The following GABBR1 variants were observed in gnomAD, a reference collection of about 807,000 sequenced individuals.
GABBR1 encodes the protein GABA-B receptor, R1 subunit.
Under a neutral mutation model 117.7 loss-of-function variants are expected in GABBR1, and 35 were observed. The ratio of observed to expected loss-of-function variants is 0.30; its 90% CI spans 0.23 to 0.39. The LOEUF (loss-of-function observed/expected upper bound fraction) is 0.39. Ranked by LOEUF, GABBR1 falls within the 10% of genes least tolerant of loss-of-function variation. The pLI is 1.00. For missense variants in GABBR1, 709 were observed against 1,241.8 expected (o/e 0.57, Z 6.45); for synonymous variants, 442 against 486.6 (o/e 0.91, Z 1.21).
rs1762333639 is a variant in GABBR1, at chr6:29,609,630, G to A, written c.1709-251C>T. ...GGAGTGAATGGTCTATCCATAGGTT[G>A]GGAAATGCTGAGGCATGTCCCCAAA... On this transcript the variant is annotated intron_variant, in intron 14 of 22. Transcript: ENST00000377034. The surrounding 1 kb of genome is among the most constrained non-coding windows in gnomAD (Gnocchi z 4.3). 6.6e-6 allele frequency among the ~76,000 whole-genome samples: 1 copy of A among 152,150 alleles called. No homozygotes were observed. Among genetic ancestry groups the A allele is most frequent in the Non-Finnish European group, 1.5e-5 (1 of 68,024 alleles).
Position 29,611,901 on chromosome 6 carries a change from A to G in GABBR1, c.1630+650T>C, listed in dbSNP as rs1762577635. On this transcript the variant is annotated intron_variant, in intron 13 of 22. Transcript: ENST00000377034. The surrounding 1 kb of genome is among the most constrained non-coding windows in gnomAD (Gnocchi z 4.6). ...TTCAGCTTTCTTGAGTCTAACTGAC[A>G]GGTCATCAACCTCTCAACCCAAGCC... 6.6e-6 allele frequency among the ~76,000 whole-genome samples: 1 copy of G among 152,236 alleles called. No homozygotes were observed. The highest frequency in any genetic ancestry group is 2.4e-5 in the African/African-American group (1 of 41,466).
At chr6:29,624,818 G>A (rs1156374751) in intron 6 of GABBR1, among the ~76,000 whole-genome samples, 1 of 151,974 alleles carries the variant, frequency 6.6e-6, no homozygotes, top group African/African-American at 2.4e-5. Context: ...GGGAAATGGG[G>A]GAGGAAGAGC....
Position 29,630,420 on chromosome 6 carries a change from G to A in GABBR1, c.475+38C>T, listed in dbSNP as rs29244. ...ACCCCACTCCCATCCTCACACAAGC[G>A]TCCTCATCAGCTGCATGCAGGCAGC... On this transcript the variant is annotated intron_variant, in intron 4 of 22. Coordinates refer to ENST00000377034, the MANE Select transcript of GABBR1 (RefSeq NM_001470.4). This position sits in a 1 kb window ranked among gnomAD's most constrained non-coding sequence, Gnocchi z 4.9. 2.0e-3 allele frequency: 3,060 copies of A among 1,568,620 alleles called. 11 individuals carry two copies. The highest frequency in any genetic ancestry group is 2.4e-3 in the Non-Finnish European group (2,723 of 1,142,028).
chr6:29,607,333 G>T lies in GABBR1; in HGVS notation c.1993-115C>A. 1.3e-6 allele frequency: 1 copy of T among 792,510 alleles called. No homozygotes were observed. The highest frequency in any genetic ancestry group is 2.1e-6 in the Non-Finnish European group (1 of 465,320). 49.1% of individuals were successfully genotyped at this position (792,510 alleles called of 1,614,324 possible). On this transcript the variant is annotated intron_variant, in intron 16 of 22. Coordinates refer to ENST00000377034, the MANE Select transcript of GABBR1 (RefSeq NM_001470.4). The surrounding 1 kb of genome is among the most constrained non-coding windows in gnomAD (Gnocchi z 5.0). The stretch of plus-strand genomic sequence containing the variant: ...CAGGGAGCACGGGCAGGGAGCTCAT[G>T]GTGGCACAGGGAGGATGCGAAAATG...
chr6:29,631,690 G>T lies in GABBR1; in HGVS notation c.86-91C>A. 1 of 1,143,016 alleles carries T rather than the reference G, an allele frequency of 8.7e-7. No homozygotes were observed. Among genetic ancestry groups the T allele is most frequent in the Non-Finnish European group, 1.3e-6 (1 of 766,798 alleles). The allele number at this position is 1,143,016 out of a possible 1,614,324, so 70.8% of individuals were successfully genotyped here. A position where few individuals can be genotyped will look rare whatever the true frequency, so the allele number is the denominator to read the frequency against. On this transcript the variant is annotated intron_variant, in intron 2 of 22. Transcript: ENST00000377034. The surrounding 1 kb of genome is among the most constrained non-coding windows in gnomAD (Gnocchi z 5.9). ...AGTGGGAGGAAGGGGAGAGTAGGGC[G>T]TGGTCTGTGGGCAGGCTGGGGACAG...
rs1479029688 is a variant in GABBR1 at position 29,631,420 on chromosome 6, C to A, written c.265G>T (p.Asp89Tyr). The change falls in exon 3 of 23, where the codon GAT (aspartate) becomes TAT (tyrosine). Residue 89 changes from aspartate (D) to tyrosine (Y), a missense_variant. By Grantham distance (160) the Asp-to-Tyr change is radical. Coordinates refer to ENST00000377034, the MANE Select transcript of GABBR1 (RefSeq NM_001470.4). This position sits in a 1 kb window ranked among gnomAD's most constrained non-coding sequence, Gnocchi z 5.9. ...RKCLANGSWT[D>Y]MDTPSRCVRI... The stretch of plus-strand genomic sequence containing the variant: ...CCACAGCGGCTGGGTGTGTCCATAT[C>A]TGTCCAGGAGCCGTTGGCCAGGCAC... 6.2e-7 allele frequency: 1 copy of A among 1,614,114 alleles called. No individual in the cohort carries two copies. The highest frequency in any genetic ancestry group is 1.1e-5 in the South Asian group (1 of 91,078).
Position 29,631,747 on chromosome 6 carries a change from G to C in GABBR1, c.86-148C>G, listed in dbSNP as rs970212219. 9 of 676,106 alleles carry C rather than the reference G, an allele frequency of 1.3e-5. No individual in the cohort carries two copies. The African/African-American group carries it at 1.4e-4, about 11-fold the overall frequency. 41.9% of individuals were successfully genotyped at this position (676,106 alleles called of 1,614,324 possible). On this transcript the variant is annotated intron_variant, in intron 2 of 22. Coordinates refer to ENST00000377034, the MANE Select transcript of GABBR1 (RefSeq NM_001470.4). The surrounding 1 kb of genome is among the most constrained non-coding windows in gnomAD (Gnocchi z 5.9). ...AGGGATGGGGCACTAGAGGGTGGGAGTGGGGACAGGTACAGATCCCCTGGC... is the reference window on the plus strand; with the variant it reads ...AGGGATGGGGCACTAGAGGGTGGGACTGGGGACAGGTACAGATCCCCTGGC...
chr6:29,609,509 A>G lies in GABBR1; in HGVS notation c.1709-130T>C. The G allele has an allele frequency of 1.3e-6, 1 of 765,718 alleles. No homozygotes were observed. Among genetic ancestry groups the G allele is most frequent in the Non-Finnish European group, 2.1e-6 (1 of 468,408 alleles). The allele number at this position is 765,718 out of a possible 1,614,324, so 47.4% of individuals were successfully genotyped here. ...GGACATTCAGTCATTGGCTGGGGACATGAGGCCCTAACTGCACTGGACAGA... is the reference window on the plus strand; with the variant it reads ...GGACATTCAGTCATTGGCTGGGGACGTGAGGCCCTAACTGCACTGGACAGA... On this transcript the variant is annotated intron_variant, in intron 14 of 22. Coordinates refer to ENST00000377034, the MANE Select transcript of GABBR1 (RefSeq NM_001470.4). This position sits in a 1 kb window ranked among gnomAD's most constrained non-coding sequence, Gnocchi z 4.3.
rs1349663606 is a variant in GABBR1 at position 29,627,516 on chromosome 6, A to G, written c.627T>C (p.Tyr209=). 1.3e-6 allele frequency: 2 copies of G among 1,591,976 alleles called. No individual in the cohort carries two copies. Among genetic ancestry groups the G allele is most frequent in the African/African-American group, 1.4e-5 (1 of 72,694 alleles). ...VNSRRDILPD[Y]ELKLIHHDSK... is the part of the protein sequence containing the mutation. ...TGTCGTGGTGGATGAGCTTGAGCTC[A>G]TAGTCCGGCAGGATGTCCCTGCGGC... The change falls in exon 6 of 23, where the codon TAT becomes TAC. Residue 209 remains tyrosine, a synonymous_variant. Transcript: ENST00000377034. This position sits in a 1 kb window ranked among gnomAD's most constrained non-coding sequence, Gnocchi z 4.4.
rs372123350 is a variant in GABBR1, at chr6:29,621,703, C to G, written c.1131+49G>C. On this transcript the variant is annotated intron_variant, in intron 10 of 22. Coordinates refer to ENST00000377034, the MANE Select transcript of GABBR1 (RefSeq NM_001470.4). This position sits in a 1 kb window ranked among gnomAD's most constrained non-coding sequence, Gnocchi z 5.0. ...CCAAGAGGAGGCCCCACAAGAAAAC[C>G]AAGGGAAACTCCCACCCAGTGCCCC... 2 of 1,551,500 alleles carry G rather than the reference C, an allele frequency of 1.3e-6. No individual in the cohort carries two copies. Among genetic ancestry groups the G allele is most frequent in the African/African-American group, 2.7e-5 (2 of 73,568 alleles).
rs770664276 is a variant in GABBR1 at position 29,627,348 on chromosome 6, C to A, written c.657+138G>T. The A allele has an allele frequency of 1.3e-4, 108 of 853,558 alleles. No homozygotes were observed. Among genetic ancestry groups the A allele is most frequent in the Non-Finnish European group, 1.8e-4 (102 of 557,074 alleles). The allele number at this position is 853,558 out of a possible 1,614,324, so 52.9% of individuals were successfully genotyped here. A position where few individuals can be genotyped will look rare whatever the true frequency, so the allele number is the denominator to read the frequency against. ...TCCCCAAGCTCCTGCACCCCCAGCC[C>A]ATCTCCTGCCAGTCACACAAGGGAG... On this transcript the variant is annotated intron_variant, in intron 6 of 22. Coordinates refer to ENST00000377034, the MANE Select transcript of GABBR1 (RefSeq NM_001470.4). This position sits in a 1 kb window ranked among gnomAD's most constrained non-coding sequence, Gnocchi z 4.4.
In GABBR1 at chr6:29,604,259, G is replaced by A. The variant is rs1761712484; in HGVS notation, c.2712+235C>T. Among the ~76,000 whole-genome samples the A allele has an allele frequency of 6.6e-6, 1 of 152,096 alleles. No individual in the cohort carries two copies. The highest frequency in any genetic ancestry group is 6.5e-5 in the Admixed American group (1 of 15,270). ...AGTCAACCACATAGCTCCCACTCCA[G>A]AGCCCTTCCACCTGCCAGGCCAACA... is the stretch of plus-strand genomic sequence containing the variant. On this transcript the variant is annotated intron_variant, in intron 22 of 22. Transcript: ENST00000377034. This position sits in a 1 kb window ranked among gnomAD's most constrained non-coding sequence, Gnocchi z 5.3.
In GABBR1 at chr6:29,621,145, T is replaced by C; in HGVS notation, c.1279A>G (p.Ile427Val). 1 of 1,612,970 alleles carries C rather than the reference T, an allele frequency of 6.2e-7. No homozygotes were observed. Among genetic ancestry groups the C allele is most frequent in the Non-Finnish European group, 8.5e-7 (1 of 1,180,012 alleles). The change falls in exon 11 of 23, where the codon ATT becomes GTT. Residue 427 changes from isoleucine (I) to valine (V), a missense_variant. Around this residue, in one of 9 missense-constraint regions of GABBR1, gnomAD observed 192 missense variants for 418.4 expected, o/e 0.46. Coordinates refer to ENST00000377034, the MANE Select transcript of GABBR1 (RefSeq NM_001470.4). The surrounding 1 kb of genome is among the most constrained non-coding windows in gnomAD (Gnocchi z 5.0). Reference protein sequence around the residue: ...EAVEGHITTEIVMLNPANTRS... With the variant: ...EAVEGHITTEVVMLNPANTRS... ...GTATTGGCAGGATTCAGCATGACAA[T>C]CTCAGTTGTGATGTGGCCCTCCACC...
At chr6:29,628,366 T>G in intron 5 of GABBR1, 1 of 153,366 alleles carries the variant, frequency 6.5e-6, no homozygotes, top group Non-Finnish European at 1.4e-5. Flanking sequence ...AAGGGAAGGA[T>G]GCGAGTGGGA....
At position 29,607,284 on chromosome 6, in the gene GABBR1, G is replaced by A; in HGVS notation, c.1993-66C>T. 7.8e-7 allele frequency: 1 copy of A among 1,287,534 alleles called. No homozygotes were observed. The highest frequency in any genetic ancestry group is 1.1e-6 in the Non-Finnish European group (1 of 888,438). The allele number at this position is 1,287,534 out of a possible 1,614,324, so 79.8% of individuals were successfully genotyped here. Reference sequence around the variant, plus strand: ...AGTAGCCGGGACTGCAGTAAGGATGGGCAGAACCCTAAGGGAGAGTGGGCA... The same window carrying A: ...AGTAGCCGGGACTGCAGTAAGGATGAGCAGAACCCTAAGGGAGAGTGGGCA... On this transcript the variant is annotated intron_variant, in intron 16 of 22. Transcript: ENST00000377034. This position sits in a 1 kb window ranked among gnomAD's most constrained non-coding sequence, Gnocchi z 5.0.
In GABBR1 at chr6:29,614,149, G is replaced by T. The variant is rs527262656; in HGVS notation, c.1324-664C>A. Reference sequence around the variant, plus strand: ...TTTTTCCATGAAAGCTAAAAAGAATGATAGTTCCTTTAACTCTCTCATGAA... The same window carrying T: ...TTTTTCCATGAAAGCTAAAAAGAATTATAGTTCCTTTAACTCTCTCATGAA... On this transcript the variant is annotated intron_variant, in intron 11 of 22. Coordinates refer to ENST00000377034, the MANE Select transcript of GABBR1 (RefSeq NM_001470.4). Among the ~76,000 whole-genome samples the T allele has an allele frequency of 2.0e-5, 3 of 152,314 alleles. No homozygotes were observed. In the East Asian group the frequency reaches 5.8e-4, roughly 29 times the overall value.
In GABBR1 at chr6:29,607,246, A is replaced by G; in HGVS notation, c.1993-28T>C. ...AGAAAGGAAGAGAGGGCACAGGCAG[A>G]ACAGGGTAGAGTAGTAGCCGGGACT... is the stretch of plus-strand genomic sequence containing the variant. On this transcript the variant is annotated intron_variant, in intron 16 of 22. Coordinates refer to ENST00000377034, the MANE Select transcript of GABBR1 (RefSeq NM_001470.4). The surrounding 1 kb of genome is among the most constrained non-coding windows in gnomAD (Gnocchi z 5.0). 1.9e-6 allele frequency: 3 copies of G among 1,573,558 alleles called. No homozygotes were observed. Among genetic ancestry groups the G allele is most frequent in the Non-Finnish European group, 2.6e-6 (3 of 1,143,778 alleles).
chr6:29,613,226 AG>A lies in GABBR1; in HGVS notation c.1566+16del, dbSNP rs762803432. On this transcript the variant is annotated intron_variant, in intron 12 of 22. Transcript: ENST00000377034. The surrounding 1 kb of genome is among the most constrained non-coding windows in gnomAD (Gnocchi z 4.1). Reference sequence around the variant, plus strand: ...AGATTGGGAAGACAGGGGAGTATGAAGGAAGTTTTAACTCACAGAGACACCC... The same window carrying A: ...AGATTGGGAAGACAGGGGAGTATGAAGAAGTTTTAACTCACAGAGACACCC... The A allele has an allele frequency of 1.2e-6, 2 of 1,610,732 alleles. No individual in the cohort carries two copies. The highest frequency in any genetic ancestry group is 1.7e-6 in the Non-Finnish European group (2 of 1,178,018).
In GABBR1 at chr6:29,604,664, TG is replaced by T. The variant is rs1582946097; in HGVS notation, c.2569-28del. On this transcript the variant is annotated intron_variant, in intron 21 of 22. Transcript: ENST00000377034. The surrounding 1 kb of genome is among the most constrained non-coding windows in gnomAD (Gnocchi z 5.3). ...TGGGGGCAAATGTTTGGGCGTGGGGTGGCCCAGCAAGGACTGTACTAGTGAC... is the reference window on the plus strand; with the variant it reads ...TGGGGGCAAATGTTTGGGCGTGGGGTGCCCAGCAAGGACTGTACTAGTGAC... 6.2e-7 allele frequency: 1 copy of T among 1,612,956 alleles called. No homozygotes were observed. The highest frequency in any genetic ancestry group is 1.3e-5 in the African/African-American group (1 of 74,944).
Sources: allele counts gnomAD v4.1 joint callset (sites outside exome capture counted in the v4.1 genomes callset), GRCh38; gene constraint gnomAD v4.1.1; regional missense constraint gnomAD v4.1.1; non-coding constraint Gnocchi (gnomAD v3.1); transcripts MANE v1.5; gene names NCBI Gene and HGNC (gene_info 2026-07-23, HGNC 2026-07-21).